The following FCHSD2 variants were observed in gnomAD, a reference collection of about 807,000 sequenced individuals.
FCHSD2 encodes the protein FCH and double SH3 domains 2.
Under a neutral mutation model 108.1 loss-of-function variants are expected in FCHSD2, and 38 were observed. That is an observed-to-expected ratio of 0.35 (90% CI 0.27 to 0.46). The LOEUF (loss-of-function observed/expected upper bound fraction) is 0.46, where lower values mean the gene tolerates loss of function less well. Among genes scored for constraint, FCHSD2 ranks in the 20% least tolerant of loss-of-function variants. The probability of loss-of-function intolerance (pLI) is 1.00; values close to 1 mark genes in which losing one functional copy is unlikely to be tolerated. For missense variants in FCHSD2, 751 were observed against 897.8 expected, an observed-to-expected ratio of 0.84 and a Z score of 2.09; for synonymous variants, 279 against 314.7, an observed-to-expected ratio of 0.89 and a Z score of 1.20.
At chr11:72,842,518 G>C (rs1860992238) in intron 17 of FCHSD2, 103 bp downstream of exon 17, 7 of 1,407,166 alleles carry the variant, frequency 5.0e-6, no homozygotes, top group Non-Finnish European at 6.8e-6. Flanking sequence ...GACCGGTGAG[G>C]GTAAGGCAGA....
intron 2 of FCHSD2, among the ~76,000 whole-genome samples, chr11:73,087,440 C>T: frequency 6.6e-6 from 1 of 151,916 alleles, no homozygotes; most frequent in Non-Finnish European, 1.5e-5. Context: ...GGTGTGGTGG[C>T]TCACCCTGTA....
chr11:73,024,803 C>A (rs1473757875), intron 3 of FCHSD2, among the ~76,000 whole-genome samples: 1 of 151,832 alleles, frequency 6.6e-6, no homozygotes, highest in East Asian at 1.9e-4. Flanking sequence ...GGGAAAAAAA[C>A]AACAATCCCA....
At chr11:73,054,756 G>C (rs1027749188) in intron 3 of FCHSD2, among the ~76,000 whole-genome samples, 1 of 152,056 alleles carries the variant, frequency 6.6e-6, no homozygotes, top group African/African-American at 2.4e-5. Flanking sequence ...GCTCACTGCA[G>C]CCTTGACCTC....
intron 8 of FCHSD2, among the ~76,000 whole-genome samples, chr11:72,928,797 G>A (rs1856129458): frequency 6.6e-6 from 1 of 152,062 alleles, no homozygotes. Flanking sequence ...ATGTATACAT[G>A]TGCCATGTTG....
Position 72,837,450 on chromosome 11 carries a change from G to C in FCHSD2, c.*1341C>G, listed in dbSNP as rs962798349. 2 of 148,758 alleles carry C rather than the reference G, an allele frequency of 1.3e-5. No individual in the cohort carries two copies. Among genetic ancestry groups the C allele is most frequent in the Admixed American group, 6.7e-5 (1 of 14,900 alleles). 9.2% of individuals were successfully genotyped at this position (148,758 alleles called of 1,614,324 possible). A position where few individuals can be genotyped will look rare whatever the true frequency, so the allele number is the denominator to read the frequency against. On this transcript the variant is annotated 3_prime_UTR_variant, in exon 20 of 20. Transcript: ENST00000409418. The stretch of plus-strand genomic sequence containing the variant: ...CTTGTAGATTAAATTCTGCAAATTT[G>C]ATTTCTTAACCAAGGAAAAAAAAAA...
At chr11:73,060,505 T>C (rs1327603676) in intron 3 of FCHSD2, among the ~76,000 whole-genome samples, 1 of 152,190 alleles carries the variant, frequency 6.6e-6, no homozygotes, top group Non-Finnish European at 1.5e-5. Flanking sequence ...GTGAGAAAGT[T>C]TTCCAGGGGA....
intron 8 of FCHSD2, among the ~76,000 whole-genome samples, chr11:72,938,167 T>C (rs1282268098): frequency 1.4e-5 from 2 of 137,978 alleles, no homozygotes; most frequent in Non-Finnish European, 3.1e-5. Flanking sequence ...TTATCCAGAT[T>C]ATGAAGGAGT....
intron 10 of FCHSD2, chr11:72,900,449 T>A (rs1855504356): frequency 1.5e-6 from 1 of 659,560 alleles, no homozygotes; most frequent in Non-Finnish European, 2.7e-6. Flanking sequence ...GATTTAGGGC[T>A]GCAGTTGGGC....
intron 19 of FCHSD2, among the ~76,000 whole-genome samples, chr11:72,839,536 G>A (rs1860842540): frequency 6.6e-6 from 1 of 152,102 alleles, no homozygotes; most frequent in Admixed American, 6.6e-5. Context: ...GTAGAGAAGT[G>A]GAAAGATTTG....
chr11:73,052,604 A>C (rs544008847), intron 3 of FCHSD2, among the ~76,000 whole-genome samples: 3 of 152,328 alleles, frequency 2.0e-5, no homozygotes, highest in East Asian at 1.9e-4. Flanking sequence ...TGTCGAAAAT[A>C]AACAATGAAA....
chr11:73,005,951 C>T (rs1016414629), intron 4 of FCHSD2, among the ~76,000 whole-genome samples: 7 of 145,528 alleles, frequency 4.8e-5, no homozygotes, highest in African/African-American at 1.5e-4. Flanking sequence ...TTCTGTTGCT[C>T]AGGCTGGAGT....
intron 2 of FCHSD2, among the ~76,000 whole-genome samples, chr11:73,117,701 A>G (rs1303099063): frequency 1.3e-5 from 2 of 152,240 alleles, no homozygotes; most frequent in African/African-American, 2.4e-5. Context: ...ATCACATTGT[A>G]AAGAATTTTA....
chr11:72,981,270 T>C (rs1857211315), intron 8 of FCHSD2, among the ~76,000 whole-genome samples: 1 of 152,188 alleles, frequency 6.6e-6, no homozygotes, highest in Non-Finnish European at 1.5e-5. Context: ...CTCCAAAGCA[T>C]GACCTACCCA....
At chr11:72,910,102 C>T (rs1317541231) in intron 9 of FCHSD2, among the ~76,000 whole-genome samples, 83 of 143,176 alleles carry the variant, frequency 5.8e-4, no homozygotes, top group Non-Finnish European at 8.9e-4. Context: ...CCCCTCTGCC[C>T]GGCCACCCAT....
At chr11:73,060,274 T>G (rs1859129651) in intron 3 of FCHSD2, among the ~76,000 whole-genome samples, 1 of 152,246 alleles carries the variant, frequency 6.6e-6, no homozygotes, top group Non-Finnish European at 1.5e-5. Flanking sequence ...TTTAGGAAAT[T>G]GAAGCATTAT....
intron 2 of FCHSD2, among the ~76,000 whole-genome samples, chr11:73,111,627 C>A (rs1011978396): frequency 6.6e-6 from 1 of 152,004 alleles, no homozygotes; most frequent in Admixed American, 6.6e-5. Context: ...TAAAGACTTA[C>A]TCCTGTTATT....
At chr11:72,975,109 T>A (rs1857080265) in intron 8 of FCHSD2, among the ~76,000 whole-genome samples, 1 of 152,230 alleles carries the variant, frequency 6.6e-6, no homozygotes, top group Admixed American at 6.5e-5. Context: ...TAACATAATG[T>A]CCTCTAGGGT....
chr11:73,083,564 A>T (rs1859747206), intron 3 of FCHSD2, 131 bp downstream of exon 3: 1 of 638,010 alleles, frequency 1.6e-6, no homozygotes, highest in Non-Finnish European at 2.7e-6. Flanking sequence ...AAAGAAAAAA[A>T]AAAAAACAAG....
chr11:72,881,213 A>G (rs1354434360), intron 12 of FCHSD2, among the ~76,000 whole-genome samples: 1 of 152,196 alleles, frequency 6.6e-6, no homozygotes, highest in Non-Finnish European at 1.5e-5. Context: ...AAATTGGGCA[A>G]TGGATGTGTA....
Sources: allele counts gnomAD v4.1 joint callset (sites outside exome capture counted in the v4.1 genomes callset), GRCh38; gene constraint gnomAD v4.1.1; transcripts MANE v1.5; gene names NCBI Gene and HGNC (gene_info 2026-07-23, HGNC 2026-07-21).